The following SEMA3E variants were observed in gnomAD, a reference collection of about 807,000 sequenced individuals.
SEMA3E encodes semaphorin-3E.
In SEMA3E, 49 loss-of-function variants were observed where a neutral mutation model predicts 93.6. That is an observed-to-expected ratio of 0.52 (90% CI 0.42 to 0.66). The LOEUF (loss-of-function observed/expected upper bound fraction) is 0.66, where lower values mean the gene tolerates loss of function less well. Among genes scored for constraint, SEMA3E ranks in the 30% least tolerant of loss-of-function variants. The pLI is 0.00. For synonymous variants in SEMA3E, 363 were observed against 330.7 expected (o/e 1.10, Z -1.06); for missense variants, 906 against 964.8 (o/e 0.94, Z 0.81).
At chr7:83,396,568 A>G in intron 12 of SEMA3E, 70 bp downstream of exon 12, 7 of 916,320 alleles carry the variant, frequency 7.6e-6, no homozygotes, top group South Asian at 4.0e-5. Context: ...TGGACATAGT[A>G]TCTTTCCTAT....
intron 1 of SEMA3E, among the ~76,000 whole-genome samples, chr7:83,501,986 A>G (rs1212563520): frequency 6.6e-6 from 1 of 152,176 alleles, no homozygotes; most frequent in Non-Finnish European, 1.5e-5. Flanking sequence ...AAGTCCTAAT[A>G]GCTATCTTCT....
intron 1 of SEMA3E, among the ~76,000 whole-genome samples, chr7:83,555,348 T>C (rs543277861): frequency 1.8e-4 from 27 of 152,282 alleles, no homozygotes; most frequent in African/African-American, 6.5e-4. Flanking sequence ...TTGAAGTGAA[T>C]TGATGTGTTA....
intron 1 of SEMA3E, among the ~76,000 whole-genome samples, chr7:83,562,464 T>TTTTATTTATTTATTTATTTA (rs149261610): frequency 8.5e-5 from 12 of 141,084 alleles, no homozygotes; most frequent in African/African-American, 1.3e-4. Flanking sequence ...TGAACTTCCT[T>TTTTATTTATTTATTTATTTA]TTTATTTATT....
intron 1 of SEMA3E, among the ~76,000 whole-genome samples, chr7:83,592,320 T>C (rs757826190): frequency 4.0e-4 from 61 of 152,272 alleles, no homozygotes; most frequent in Middle Eastern, 3.4e-3. Context: ...GTTATGCTAA[T>C]AGGTATGTTG....
chr7:83,544,837 C>T (rs1791612370), intron 1 of SEMA3E, among the ~76,000 whole-genome samples: 1 of 151,896 alleles, frequency 6.6e-6, no homozygotes, highest in Admixed American at 6.6e-5. Context: ...GCCACTGCTT[C>T]ATATCTCCTT....
Position 83,363,527 on chromosome 7 carries a change from C to G in SEMA3E, c.*4059G>C, listed in dbSNP as rs1794616216. The G allele has an allele frequency of 6.6e-6, 1 of 151,984 alleles. No homozygotes were observed. The allele number at this position is 151,984 out of a possible 1,614,324, so 9.4% of individuals were successfully genotyped here. On this transcript the variant is annotated 3_prime_UTR_variant, in exon 17 of 17. Transcript: ENST00000643230. ...CTAGCTTATAAGTAAGCCATTTAAACACAAGCAGAACACAATTTATAATGA... is the reference window on the plus strand; with the variant it reads ...CTAGCTTATAAGTAAGCCATTTAAAGACAAGCAGAACACAATTTATAATGA...
chr7:83,507,269 T>C (rs1288655629), intron 1 of SEMA3E, among the ~76,000 whole-genome samples: 1 of 152,112 alleles, frequency 6.6e-6, no homozygotes, highest in African/African-American at 2.4e-5. Context: ...CAATTTTCTT[T>C]TTCTGCCATG....
At chr7:83,598,787 G>GTATATGTC (rs1330612514) in intron 1 of SEMA3E, among the ~76,000 whole-genome samples, 1 of 152,154 alleles carries the variant, frequency 6.6e-6, no homozygotes, top group Admixed American at 6.5e-5. Flanking sequence ...TGAATCATTT[G>GTATATGTC]TATATGTCTT....
Position 83,408,506 on chromosome 7 carries a change from A to G in SEMA3E, c.551-19T>C, listed in dbSNP as rs1788370796. 1 of 1,612,922 alleles carries G rather than the reference A, an allele frequency of 6.2e-7. No homozygotes were observed. The highest frequency in any genetic ancestry group is 8.5e-7 in the Non-Finnish European group (1 of 1,179,274). Reference sequence around the variant, plus strand: ...TCACTACCTACACGGGAGCATCAGTAAAAAAGAAGTCAGTATTTGTTAATA... The same window carrying G: ...TCACTACCTACACGGGAGCATCAGTGAAAAAGAAGTCAGTATTTGTTAATA... On this transcript the variant is annotated intron_variant, in intron 5 of 16. Coordinates refer to ENST00000643230, the MANE Select transcript of SEMA3E (RefSeq NM_012431.3).
intron 11 of SEMA3E, among the ~76,000 whole-genome samples, chr7:83,397,862 C>A (rs969482561): frequency 6.6e-6 from 1 of 152,050 alleles, no homozygotes; most frequent in African/African-American, 2.4e-5. Context: ...ATAACAGTTA[C>A]CTGTATTGTA....
chr7:83,445,622 G>A (rs1789211420), intron 4 of SEMA3E, among the ~76,000 whole-genome samples: 1 of 152,180 alleles, frequency 6.6e-6, no homozygotes, highest in African/African-American at 2.4e-5. Flanking sequence ...GGAGGCTGAG[G>A]CAGGAGAATC....
intron 14 of SEMA3E, among the ~76,000 whole-genome samples, chr7:83,389,999 G>GTATATATATA (rs1787971359): frequency 7.7e-6 from 1 of 130,170 alleles, no homozygotes; most frequent in South Asian, 2.4e-4. Flanking sequence ...ATGTGTATAC[G>GTATATATATA]TATACACATA....
At chr7:83,569,572 G>A (rs1792231388) in intron 1 of SEMA3E, among the ~76,000 whole-genome samples, 2 of 152,060 alleles carry the variant, frequency 1.3e-5, no homozygotes, top group African/African-American at 4.8e-5. Flanking sequence ...ACAAAAGAGA[G>A]CAAGAGTCAT....
intron 1 of SEMA3E, among the ~76,000 whole-genome samples, chr7:83,551,764 A>ACC (rs1791769189): frequency 5.3e-5 from 8 of 152,146 alleles, no homozygotes; most frequent in Admixed American, 2.0e-4. Flanking sequence ...AACACTATTG[A>ACC]CATTTTGGCT....
chr7:83,561,656 A>T (rs1018706834), intron 1 of SEMA3E, among the ~76,000 whole-genome samples: 4 of 152,048 alleles, frequency 2.6e-5, no homozygotes, highest in Non-Finnish European at 5.9e-5. Context: ...TTTTCAATTC[A>T]CTTTGAAAAT....
chr7:83,423,597 G>A (rs1247300732), intron 4 of SEMA3E, among the ~76,000 whole-genome samples: 4 of 149,194 alleles, frequency 2.7e-5, no homozygotes, highest in East Asian at 2.0e-4. Context: ...TCTGCCTCCC[G>A]GGTTCATGCC....
chr7:83,394,934 G>A (rs1205289186), intron 12 of SEMA3E, among the ~76,000 whole-genome samples: 1 of 152,156 alleles, frequency 6.6e-6, no homozygotes, highest in Non-Finnish European at 1.5e-5. Context: ...GTTAAGGCTA[G>A]TGCATCCCTA....
chr7:83,437,435 G>C (rs115130418), intron 4 of SEMA3E, among the ~76,000 whole-genome samples: 2 of 151,786 alleles, frequency 1.3e-5, no homozygotes, highest in African/African-American at 4.8e-5. Context: ...TTAAAAAATT[G>C]ATAAATTTTA....
In SEMA3E at chr7:83,419,043, C is replaced by G. The variant is rs147846581; in HGVS notation, c.457-560G>C. On this transcript the variant is annotated intron_variant, in intron 4 of 16. Transcript: ENST00000643230. ...CAGGCATTTTGTCAGCCCCTGCCCC[C>G]CTACGTCTCATCCCCCTCCAGTGGT... 3.9e-5 allele frequency among the ~76,000 whole-genome samples: 6 copies of G among 152,010 alleles called. No individual in the cohort carries two copies. In the East Asian group the frequency reaches 5.8e-4, roughly 15 times the overall value.
Sources: allele counts gnomAD v4.1 joint callset (sites outside exome capture counted in the v4.1 genomes callset), GRCh38; gene constraint gnomAD v4.1.1; transcripts MANE v1.5; gene names NCBI Gene and HGNC (gene_info 2026-07-23, HGNC 2026-07-21).